The following ARHGAP17 variants were observed in gnomAD, a reference collection of about 807,000 sequenced individuals.
The protein encoded by ARHGAP17 is Rho GTPase activating protein 17.
In ARHGAP17, 57 loss-of-function variants were observed where a neutral mutation model predicts 99.5. The ratio of observed to expected loss-of-function variants is 0.57; its 90% confidence interval spans 0.46 to 0.71. The LOEUF is 0.71. ARHGAP17 is among the 30% of genes least tolerant of loss of function. ARHGAP17 has a pLI of 0.00. For missense variants in ARHGAP17, 1,000 were observed against 1,122.4 expected, an observed-to-expected ratio of 0.89 and a Z score of 1.56; for synonymous variants, 417 against 429.6, an observed-to-expected ratio of 0.97 and a Z score of 0.36.
chr16:24,996,114 T>G (rs112297139), intron 1 of ARHGAP17, among the ~76,000 whole-genome samples: 12 of 151,838 alleles, frequency 7.9e-5, no homozygotes, highest in African/African-American at 2.7e-4. Context: ...TTTATTTTTT[T>G]GGGGGGGGAG....
At chr16:24,971,857 C>A (rs1016661260) in intron 3 of ARHGAP17, among the ~76,000 whole-genome samples, 2 of 152,180 alleles carry the variant, frequency 1.3e-5, no homozygotes, top group African/African-American at 4.8e-5. Context: ...CCTGGCCAGG[C>A]ATCCCAGGGA....
At chr16:24,941,238 T>C (rs1026551190) in intron 16 of ARHGAP17, among the ~76,000 whole-genome samples, 5 of 152,244 alleles carry the variant, frequency 3.3e-5, no homozygotes, top group African/African-American at 9.6e-5. Flanking sequence ...GTAAAACTAT[T>C]TCTAGTAGTA....
chr16:24,987,906 G>A (rs141338237), intron 1 of ARHGAP17, among the ~76,000 whole-genome samples: 3 of 152,306 alleles, frequency 2.0e-5, no homozygotes, highest in Admixed American at 2.0e-4. Flanking sequence ...AATCTACCAA[G>A]GATCTGAATA....
intron 1 of ARHGAP17, among the ~76,000 whole-genome samples, chr16:25,014,337 T>A (rs1383549292): frequency 2.0e-5 from 3 of 152,168 alleles, no homozygotes; most frequent in African/African-American, 7.2e-5. Context: ...TAGCCCCAGA[T>A]AATACAGCAC....
intron 18 of ARHGAP17, among the ~76,000 whole-genome samples, chr16:24,933,800 C>A (rs1228281788): frequency 6.7e-6 from 1 of 149,946 alleles, no homozygotes; most frequent in Non-Finnish European, 1.5e-5. Context: ...CTCAGAGGCG[C>A]AGGGGGTGGG....
At chr16:24,947,688 G>A in intron 13 of ARHGAP17, 93 bp from the exon 14 acceptor site, 1 of 998,938 alleles carries the variant, frequency 1.0e-6, no homozygotes, top group Non-Finnish European at 1.5e-6. Flanking sequence ...AGTTTGCTCA[G>A]GTGCTAACTG....
chr16:24,942,464 A>G (rs1184570871), intron 15 of ARHGAP17, among the ~76,000 whole-genome samples: 2 of 152,198 alleles, frequency 1.3e-5, no homozygotes, highest in Non-Finnish European at 2.9e-5. Context: ...ACTTATTTGA[A>G]TCATTCAAAA....
chr16:24,943,272 T>C (rs1394120044), intron 15 of ARHGAP17, among the ~76,000 whole-genome samples: 4 of 152,210 alleles, frequency 2.6e-5, no homozygotes, highest in African/African-American at 9.6e-5. Context: ...TTATCTCCTA[T>C]CTATGGGCAA....
chr16:24,970,409 G>T, intron 4 of ARHGAP17, 98 bp downstream of exon 4: 2 of 1,162,768 alleles, frequency 1.7e-6, no homozygotes, highest in Non-Finnish European at 1.3e-6. Context: ...TGCCATCAAC[G>T]CTCACAGTTC....
intron 7 of ARHGAP17, among the ~76,000 whole-genome samples, chr16:24,961,397 G>T (rs1312549834): frequency 2.7e-5 from 4 of 150,926 alleles, no homozygotes; most frequent in Non-Finnish European, 5.9e-5. Context: ...GAGTGTGGTG[G>T]CTCACACCTA....
intron 14 of ARHGAP17, among the ~76,000 whole-genome samples, chr16:24,944,647 C>T (rs895334302): frequency 6.6e-6 from 1 of 152,040 alleles, no homozygotes; most frequent in South Asian, 2.1e-4. Context: ...GACAGAATCT[C>T]GCTCTATCGC....
chr16:24,941,962 T>G, intron 16 of ARHGAP17, 25 bp downstream of exon 16: 5 of 1,613,774 alleles, frequency 3.1e-6, no homozygotes, highest in Non-Finnish European at 4.2e-6. Context: ...TACTGCTGGT[T>G]TGGAAGTGAA....
In ARHGAP17 at chr16:25,011,115, G is replaced by C. The variant is rs980547119; in HGVS notation, c.53+4094C>G. Reference sequence around the variant, plus strand: ...CATCATCTCCCCAAAAACACCATTGGTGATGATCTGCATCTAAGGGTTTTC... The same window carrying C: ...CATCATCTCCCCAAAAACACCATTGCTGATGATCTGCATCTAAGGGTTTTC... On this transcript the variant is annotated intron_variant, in intron 1 of 19. Coordinates refer to ENST00000289968, the MANE Select transcript of ARHGAP17 (RefSeq NM_001006634.3). 4.6e-4 allele frequency among the ~76,000 whole-genome samples: 70 copies of C among 152,144 alleles called. 2 individuals carry two copies. Among genetic ancestry groups the C allele is most frequent in the Admixed American group, 3.3e-4 (5 of 15,272 alleles).
intron 3 of ARHGAP17, among the ~76,000 whole-genome samples, chr16:24,973,623 TC>T (rs1225390027): frequency 6.6e-6 from 1 of 152,158 alleles, no homozygotes; most frequent in Non-Finnish European, 1.5e-5. Flanking sequence ...AGACACCACC[TC>T]CTCCAGGAAG....
At position 24,960,369 on chromosome 16, in the gene ARHGAP17, A is replaced by AC. The variant is rs551490121; in HGVS notation, c.574-391dup. On this transcript the variant is annotated intron_variant, in intron 7 of 19. Transcript: ENST00000289968. ...AGACCAGCCTGGCCAACATGGTGAA[A>AC]CCCCGTCTCTACTAAAAATACAAAA... Among the ~76,000 whole-genome samples the AC allele has an allele frequency of 7.2e-3, 1,098 of 152,090 alleles. 8 individuals carry two copies. Among genetic ancestry groups the AC allele is most frequent in the Admixed American group, 0.011 (171 of 15,264 alleles).
intron 7 of ARHGAP17, among the ~76,000 whole-genome samples, chr16:24,961,681 C>T (rs2052006126): frequency 6.6e-6 from 1 of 150,996 alleles, no homozygotes; most frequent in Non-Finnish European, 1.5e-5. Flanking sequence ...CAGGTGCATA[C>T]CACCATACTC....
At chr16:24,935,844 T>G (rs9932591) in intron 17 of ARHGAP17, 17,231 of 443,806 alleles carry the variant, frequency 0.039, 1,512 homozygotes, top group African/African-American at 0.25. Flanking sequence ...CTTGGTGCCA[T>G]TTTTTTTTTA....
Position 24,919,906 on chromosome 16 carries a change from C to T in ARHGAP17, c.*224G>A. ...TGGATTTTTTTGGCATGATTTCCTT[C>T]CCATGTAAAGAAAGCCAACTTCTTC... On this transcript the variant is annotated 3_prime_UTR_variant, in exon 20 of 20. Transcript: ENST00000289968. 1 of 489,810 alleles carries T rather than the reference C, an allele frequency of 2.0e-6. No homozygotes were observed. 30.3% of individuals were successfully genotyped at this position (489,810 alleles called of 1,614,324 possible). A position where few individuals can be genotyped will look rare whatever the true frequency, so the allele number is the denominator to read the frequency against.
rs1374831050 is a variant in ARHGAP17 at position 24,931,104 on chromosome 16, C to T, written c.2195G>A (p.Ser732Asn). The change falls in exon 19 of 20, where the codon AGC (serine) becomes AAC (asparagine). Residue 732 changes from serine to asparagine, a missense_variant. By Grantham distance (46) the Ser-to-Asn change is conservative. This residue lies in a region of ARHGAP17 where 528 missense variants were observed against 511.4 expected (regional missense o/e 1.03). Coordinates refer to ENST00000289968, the MANE Select transcript of ARHGAP17 (RefSeq NM_001006634.3). Reference protein sequence around the residue: ...ATPLMHTKPNSQGPPNPMALP... With the variant: ...ATPLMHTKPNNQGPPNPMALP... ...TGCCATGGGGTTGGGAGGGCCCTGG[C>T]TATTGGGTTTGGTGTGCATCAGTGG... is the stretch of plus-strand genomic sequence containing the variant. 1.9e-6 allele frequency: 3 copies of T among 1,606,136 alleles called. No individual in the cohort carries two copies. Among genetic ancestry groups the T allele is most frequent in the Admixed American group, 1.7e-5 (1 of 59,298 alleles).
Sources: allele counts gnomAD v4.1 joint callset (sites outside exome capture counted in the v4.1 genomes callset), GRCh38; gene constraint gnomAD v4.1.1; regional missense constraint gnomAD v4.1.1; transcripts MANE v1.5; gene names NCBI Gene and HGNC (gene_info 2026-07-23, HGNC 2026-07-21).